Variants in TRAPPC9 observed in about 807,000 individuals in gnomAD.
TRAPPC9 encodes trafficking protein particle complex subunit 9, also known as IKK2 binding protein.
Under a neutral mutation model 124.0 loss-of-function variants are expected in TRAPPC9, and 83 were observed. The observed-to-expected ratio is 0.67, with a 90% CI of 0.56 to 0.80. TRAPPC9 has a LOEUF of 0.80. Among genes scored for constraint, TRAPPC9 ranks in the 30% least tolerant of loss-of-function variants. The pLI is 0.00. For synonymous variants in TRAPPC9, 638 were observed against 617.5 expected (o/e 1.03, Z -0.49); for missense variants, 1,302 against 1,508.3 (o/e 0.86, Z 2.27).
chr8:140,356,988 G>A (rs1256692949), intron 9 of TRAPPC9, among the ~76,000 whole-genome samples: 1 of 152,178 alleles, frequency 6.6e-6, no homozygotes, highest in African/African-American at 2.4e-5. Flanking sequence ...GAAGGCAAGG[G>A]CTGTGACAAC....
At position 139,962,899 on chromosome 8, in the gene TRAPPC9, C is replaced by A. The variant is rs1035930372; in HGVS notation, c.2810+25827G>T. Reference sequence around the variant, plus strand: ...GGCCATGAGCCAAGGAGTGCAGGGGCCTCAGGAAGCCGGAGGAGCAAGGGA... The same window carrying A: ...GGCCATGAGCCAAGGAGTGCAGGGGACTCAGGAAGCCGGAGGAGCAAGGGA... On this transcript the variant is annotated intron_variant, in intron 19 of 22. Transcript: ENST00000438773. Among the ~76,000 whole-genome samples, 7 of 151,940 alleles carry A rather than the reference C, an allele frequency of 4.6e-5. 2 individuals carry two copies. The highest frequency in any genetic ancestry group is 3.9e-4 in the East Asian group (2 of 5,162).
At chr8:140,052,934 G>A (rs1842089405) in intron 17 of TRAPPC9, among the ~76,000 whole-genome samples, 1 of 152,136 alleles carries the variant, frequency 6.6e-6, no homozygotes, top group Non-Finnish European at 1.5e-5. Flanking sequence ...GTGACAAAGT[G>A]AGACCCTGTC....
At chr8:139,845,133 G>A (rs1310192270) in intron 21 of TRAPPC9, among the ~76,000 whole-genome samples, 1 of 152,232 alleles carries the variant, frequency 6.6e-6, no homozygotes, top group African/African-American at 2.4e-5. Context: ...CCTTTAAGGA[G>A]ATACTAGGTT....
At chr8:140,359,570 G>T (rs1403041320) in intron 9 of TRAPPC9, among the ~76,000 whole-genome samples, 3 of 152,120 alleles carry the variant, frequency 2.0e-5, no homozygotes, top group Admixed American at 6.5e-5. Flanking sequence ...GTTACCCAGT[G>T]ACTCGAAGGG....
At chr8:139,815,598 G>A (rs1044238157) in intron 21 of TRAPPC9, among the ~76,000 whole-genome samples, 1 of 152,060 alleles carries the variant, frequency 6.6e-6, no homozygotes, top group African/African-American at 2.4e-5. Context: ...CACCATGTTG[G>A]CCAGGCTGGT....
rs1844285894 is a variant in TRAPPC9 at position 140,087,684 on chromosome 8, C to T, written c.2557-63605G>A. Among the ~76,000 whole-genome samples the T allele has an allele frequency of 6.6e-6, 1 of 152,188 alleles. No individual in the cohort carries two copies. The highest frequency in any genetic ancestry group is 1.9e-4 in the East Asian group (1 of 5,186). On this transcript the variant is annotated intron_variant, in intron 17 of 22. Coordinates refer to ENST00000438773, the MANE Select transcript of TRAPPC9 (RefSeq NM_001160372.4). This position sits in a 1 kb window ranked among gnomAD's most constrained non-coding sequence, Gnocchi z 4.6. ...GCCCTCATCCAAGCCACTGTCATCG[C>T]TTGTCTGGACAATGCCACTGGCTCC...
intron 19 of TRAPPC9, among the ~76,000 whole-genome samples, chr8:139,925,559 G>A (rs1183244801): frequency 1.3e-5 from 2 of 151,976 alleles, no homozygotes; most frequent in African/African-American, 4.8e-5. Flanking sequence ...ACCAGCCTGG[G>A]TAACATAGTG....
intron 21 of TRAPPC9, among the ~76,000 whole-genome samples, chr8:139,821,868 G>C (rs1825276427): frequency 6.6e-6 from 1 of 152,200 alleles, no homozygotes; most frequent in African/African-American, 2.4e-5. Flanking sequence ...GGTAGCAGCT[G>C]GAGTTCTCCC....
intron 9 of TRAPPC9, among the ~76,000 whole-genome samples, chr8:140,312,589 C>G (rs1363415753): frequency 2.0e-5 from 3 of 152,008 alleles, no homozygotes; most frequent in Non-Finnish European, 2.9e-5. Flanking sequence ...CTGGAGTGGA[C>G]AAAGAGCAGG....
intron 5 of TRAPPC9, among the ~76,000 whole-genome samples, chr8:140,406,938 A>G (rs1037350605): frequency 6.6e-6 from 1 of 152,252 alleles, no homozygotes; most frequent in African/African-American, 2.4e-5. Context: ...ACCCGGTGAC[A>G]TAAACTGTGG....
intron 7 of TRAPPC9, among the ~76,000 whole-genome samples, chr8:140,382,818 T>C (rs1051888730): frequency 3.3e-5 from 5 of 152,176 alleles, no homozygotes; most frequent in Admixed American, 1.3e-4. Flanking sequence ...GTAGTGGTTC[T>C]CCCAGCACGG....
At chr8:139,741,468 TTGGTC>T (rs1329925490) in intron 21 of TRAPPC9, among the ~76,000 whole-genome samples, 1 of 152,146 alleles carries the variant, frequency 6.6e-6, no homozygotes, top group Non-Finnish European at 1.5e-5. Flanking sequence ...GGCTCTGGAC[TTGGTC>T]TGGTTTTGTT....
chr8:140,188,684 C>A (rs1587884459), intron 17 of TRAPPC9, among the ~76,000 whole-genome samples: 1 of 152,178 alleles, frequency 6.6e-6, no homozygotes, highest in African/African-American at 2.4e-5. Context: ...ATGTCCTTGA[C>A]CTCTTCCTCC....
intron 21 of TRAPPC9, among the ~76,000 whole-genome samples, chr8:139,783,667 T>A (rs1178035573): frequency 6.6e-6 from 1 of 152,228 alleles, no homozygotes; most frequent in African/African-American, 2.4e-5. Context: ...TCCAGCATTA[T>A]CCTGATGCCA....
intron 21 of TRAPPC9, among the ~76,000 whole-genome samples, chr8:139,855,601 G>GAATCTA (rs1827750182): frequency 6.6e-6 from 1 of 152,204 alleles, no homozygotes; most frequent in Non-Finnish European, 1.5e-5. Flanking sequence ...TGAGGGAGTG[G>GAATCTA]GAAGTCCCCT....
intron 16 of TRAPPC9, among the ~76,000 whole-genome samples, chr8:140,230,934 G>A (rs1477916830): frequency 6.6e-6 from 1 of 152,148 alleles, no homozygotes; most frequent in Non-Finnish European, 1.5e-5. Flanking sequence ...GGGCTTTTAG[G>A]ACCCCTTTTA....
chr8:140,333,601 G>A (rs1042556942), intron 9 of TRAPPC9, among the ~76,000 whole-genome samples: 1 of 152,166 alleles, frequency 6.6e-6, no homozygotes, highest in African/African-American at 2.4e-5. Flanking sequence ...ATGTTGGCCA[G>A]GCTGGTCTCA....
intron 19 of TRAPPC9, among the ~76,000 whole-genome samples, chr8:139,964,571 C>A (rs763320648): frequency 1.3e-5 from 2 of 152,164 alleles, no homozygotes; most frequent in Non-Finnish European, 2.9e-5. Flanking sequence ...TCAGGGCTTT[C>A]GGTATCTCAA....
intron 21 of TRAPPC9, among the ~76,000 whole-genome samples, chr8:139,863,287 G>C (rs1398427348): frequency 1.3e-5 from 2 of 152,222 alleles, no homozygotes; most frequent in East Asian, 3.9e-4. Flanking sequence ...CTGAGCCCCA[G>C]GAAGCCCAGG....
Sources: allele counts gnomAD v4.1 joint callset (sites outside exome capture counted in the v4.1 genomes callset), GRCh38; gene constraint gnomAD v4.1.1; non-coding constraint Gnocchi (gnomAD v3.1); transcripts MANE v1.5; gene names NCBI Gene and HGNC (gene_info 2026-07-23, HGNC 2026-07-21).